Variants in LSAMP observed in about 807,000 individuals in gnomAD.
LSAMP encodes the protein limbic system-associated membrane protein.
Under a neutral mutation model 38.6 loss-of-function variants are expected in LSAMP, and 7 were observed. That is an observed-to-expected ratio of 0.18 (90% confidence interval 0.10 to 0.34). LSAMP has a LOEUF of 0.34. Among genes scored for constraint, LSAMP ranks in the 10% least tolerant of loss-of-function variants. The pLI, the probability that LSAMP is intolerant of heterozygous loss-of-function variation, is 1.00. For missense variants in LSAMP, 313 were observed against 420.0 expected (o/e 0.75, Z 2.23); for synonymous variants, 154 against 166.8 (o/e 0.92, Z 0.59).
chr3:116,268,733 T>TAA, intron 1 of LSAMP, among the ~76,000 whole-genome samples: 1 of 152,248 alleles, frequency 6.6e-6, no homozygotes, highest in Admixed American at 6.5e-5. Flanking sequence ...CTTATAATTT[T>TAA]AAAGTATATA....
At chr3:115,817,878 C>T (rs1934081650) in intron 6 of LSAMP, among the ~76,000 whole-genome samples, 1 of 152,126 alleles carries the variant, frequency 6.6e-6, no homozygotes, top group Non-Finnish European at 1.5e-5. Context: ...ATCATCTAAC[C>T]ACTGATGTTT....
chr3:116,224,596 C>G (rs2046322815), intron 1 of LSAMP, among the ~76,000 whole-genome samples: 1 of 152,136 alleles, frequency 6.6e-6, no homozygotes. Context: ...CGTTCTAGTT[C>G]ATAATTTATC....
At chr3:116,341,646 C>A (rs1252654733) in intron 1 of LSAMP, among the ~76,000 whole-genome samples, 1 of 151,942 alleles carries the variant, frequency 6.6e-6, no homozygotes, top group African/African-American at 2.4e-5. Context: ...TAATGGAGGA[C>A]AAATTAGATA....
intron 1 of LSAMP, among the ~76,000 whole-genome samples, chr3:116,154,480 A>G (rs148797095): frequency 1.3e-5 from 2 of 152,260 alleles, no homozygotes; most frequent in East Asian, 3.9e-4. Flanking sequence ...GAATCTTCTA[A>G]CCCACTGATT....
chr3:116,387,898 C>T (rs2107808803), intron 1 of LSAMP, among the ~76,000 whole-genome samples: 1 of 151,850 alleles, frequency 6.6e-6, no homozygotes. Flanking sequence ...TGGAGACCAT[C>T]CTGGCTAACA....
intron 1 of LSAMP, among the ~76,000 whole-genome samples, chr3:116,117,929 T>A (rs1012214427): frequency 1.3e-5 from 2 of 149,940 alleles, no homozygotes; most frequent in Non-Finnish European, 2.9e-5. Flanking sequence ...AATATTTATT[T>A]CGTATATCTT....
At chr3:115,921,744 T>A (rs12492490) in intron 3 of LSAMP, among the ~76,000 whole-genome samples, 1 of 152,090 alleles carries the variant, frequency 6.6e-6, no homozygotes, top group East Asian at 1.9e-4. Flanking sequence ...GGTCTAGCAC[T>A]GCTGAACTCC....
intron 1 of LSAMP, among the ~76,000 whole-genome samples, chr3:116,202,016 T>C (rs2045993540): frequency 6.6e-6 from 1 of 151,816 alleles, no homozygotes; most frequent in African/African-American, 2.4e-5. Flanking sequence ...CTGTGGTCTT[T>C]AATTTATTCT....
intron 3 of LSAMP, among the ~76,000 whole-genome samples, chr3:115,940,278 G>T (rs1257346560): frequency 2.3e-5 from 3 of 131,836 alleles, no homozygotes; most frequent in Non-Finnish European, 3.4e-5. Flanking sequence ...GGCTGGGGTG[G>T]CCAGCTTTTA....
intron 3 of LSAMP, among the ~76,000 whole-genome samples, chr3:115,995,119 T>C (rs1939779169): frequency 6.6e-6 from 1 of 152,120 alleles, no homozygotes; most frequent in Non-Finnish European, 1.5e-5. Flanking sequence ...ATACATAGTA[T>C]TCACCAAAGG....
intron 1 of LSAMP, among the ~76,000 whole-genome samples, chr3:116,386,611 T>C (rs922251340): frequency 1.3e-5 from 2 of 152,192 alleles, no homozygotes; most frequent in Non-Finnish European, 1.5e-5. Context: ...TAGGTAGGAA[T>C]GCAGACGCAC....
chr3:115,851,549 T>A (rs1210223865), intron 4 of LSAMP, among the ~76,000 whole-genome samples: 1 of 152,134 alleles, frequency 6.6e-6, no homozygotes, highest in Non-Finnish European at 1.5e-5. Flanking sequence ...TAGGAAGACA[T>A]GAGATGACAG....
chr3:116,345,664 G>A (rs1225843154), intron 1 of LSAMP, among the ~76,000 whole-genome samples: 2 of 151,492 alleles, frequency 1.3e-5, no homozygotes, highest in African/African-American at 2.4e-5. Context: ...TTATTTTTTA[G>A]AACTTCTGAG....
chr3:115,939,570 T>TTCTTTCTTTCTTTC (rs1553751076), intron 3 of LSAMP, among the ~76,000 whole-genome samples: 13,854 of 136,730 alleles, frequency 0.1, 1,086 homozygotes, highest in East Asian at 0.19. Context: ...CTTTCTTTCT[T>TTCTTTCTTTCTTTC]TCTTTCTTTC....
intron 1 of LSAMP, among the ~76,000 whole-genome samples, chr3:116,358,010 C>T (rs2048249116): frequency 6.6e-6 from 1 of 151,698 alleles, no homozygotes; most frequent in East Asian, 1.9e-4. Flanking sequence ...CATGAAGAAT[C>T]TCTTTGGGTT....
intron 3 of LSAMP, among the ~76,000 whole-genome samples, chr3:115,920,371 C>A (rs2107522159): frequency 6.6e-6 from 1 of 152,010 alleles, no homozygotes; most frequent in Non-Finnish European, 1.5e-5. Context: ...ATTTTTTCCT[C>A]TCTCTCTCTC....
chr3:116,383,295 T>C (rs1316759887), intron 1 of LSAMP, among the ~76,000 whole-genome samples: 1 of 152,132 alleles, frequency 6.6e-6, no homozygotes, highest in African/African-American at 2.4e-5. Flanking sequence ...CCATTTTCTG[T>C]GTCATGGACT....
chr3:116,280,033 TA>T (rs150826259), intron 1 of LSAMP, among the ~76,000 whole-genome samples: 4,728 of 152,202 alleles, frequency 0.031, 247 homozygotes, highest in African/African-American at 0.1. Flanking sequence ...TATTCACACA[TA>T]AAAAAATAAA....
At chr3:115,894,626 A>G (rs1936682948) in intron 3 of LSAMP, among the ~76,000 whole-genome samples, 1 of 152,132 alleles carries the variant, frequency 6.6e-6, no homozygotes, top group East Asian at 1.9e-4. Context: ...TGCATTGTTC[A>G]TGAAAAATGA....
Sources: gnomAD v4.1 joint callset for allele counts (sites outside exome capture counted in the v4.1 genomes callset) on GRCh38, gnomAD v4.1.1 for gene constraint, MANE v1.5 for transcripts, NCBI Gene and HGNC (gene_info 2026-07-23, HGNC 2026-07-21) for gene names.